Variants in KIAA1549L observed in about 807,000 individuals in gnomAD.
KIAA1549L encodes UPF0606 protein KIAA1549L.
A neutral mutation model predicts 160.7 loss-of-function variants in KIAA1549L; 88 were observed. The observed-to-expected ratio is 0.55, with a 90% CI of 0.46 to 0.65. The LOEUF (loss-of-function observed/expected upper bound fraction) is 0.65, where lower values mean the gene tolerates loss of function less well. KIAA1549L is among the 30% of genes least tolerant of loss of function. The pLI, the probability that KIAA1549L is intolerant of heterozygous loss-of-function variation, is 0.00. For missense variants in KIAA1549L, 2,258 were observed against 2,437.5 expected, an observed-to-expected ratio of 0.93 and a Z score of 1.55; for synonymous variants, 950 against 976.7, an observed-to-expected ratio of 0.97 and a Z score of 0.51.
Position 33,668,362 on chromosome 11 carries a change from C to G in KIAA1549L, c.*208C>G. 1.7e-6 allele frequency: 1 copy of G among 600,134 alleles called. No individual in the cohort carries two copies. Among genetic ancestry groups the G allele is most frequent in the Non-Finnish European group, 2.9e-6 (1 of 341,872 alleles). 37.2% of individuals were successfully genotyped at this position (600,134 alleles called of 1,614,324 possible). ...TCATCCAACTGATTGTGGGTCAAGTCCCTGGCTTGGGGCCTTATGTTTGAT... is the reference window on the plus strand; with the variant it reads ...TCATCCAACTGATTGTGGGTCAAGTGCCTGGCTTGGGGCCTTATGTTTGAT... On this transcript the variant is annotated 3_prime_UTR_variant, in exon 21 of 21. Coordinates refer to ENST00000658780, the MANE Select transcript of KIAA1549L (RefSeq NM_012194.3).
chr11:33,484,239 CTG>C (rs1207939017), intron 1 of KIAA1549L, among the ~76,000 whole-genome samples: 3 of 152,200 alleles, frequency 2.0e-5, no homozygotes, highest in Non-Finnish European at 4.4e-5. Context: ...GAGCCTGACT[CTG>C]TAACCATTTG....
intron 16 of KIAA1549L, among the ~76,000 whole-genome samples, chr11:33,620,125 C>T (rs752494738): frequency 1.3e-5 from 2 of 152,160 alleles, no homozygotes; most frequent in Non-Finnish European, 2.9e-5. Flanking sequence ...CATTGCAGAT[C>T]GTTTTTTAAC....
intron 6 of KIAA1549L, among the ~76,000 whole-genome samples, chr11:33,558,132 T>A (rs1590342056): frequency 1.3e-5 from 2 of 152,114 alleles, no homozygotes. Flanking sequence ...TGTAAAAAAA[T>A]TTTTTTAATA....
At chr11:33,436,488 G>A (rs1851383660) in intron 1 of KIAA1549L, among the ~76,000 whole-genome samples, 1 of 152,202 alleles carries the variant, frequency 6.6e-6, no homozygotes, top group Non-Finnish European at 1.5e-5. Context: ...TGCTGGGGGA[G>A]GGCAGTCTGC....
At chr11:33,549,879 C>T (rs1393321755) in intron 4 of KIAA1549L, among the ~76,000 whole-genome samples, 1 of 151,996 alleles carries the variant, frequency 6.6e-6, no homozygotes, top group East Asian at 1.9e-4. Flanking sequence ...GTGGCACACA[C>T]CTGTAGTCCT....
At chr11:33,460,970 C>A (rs1851929773) in intron 1 of KIAA1549L, among the ~76,000 whole-genome samples, 1 of 152,120 alleles carries the variant, frequency 6.6e-6, no homozygotes, top group Admixed American at 6.6e-5. Flanking sequence ...ATGGTAGACT[C>A]ATTTTCTTCT....
chr11:33,524,373 A>AT (rs955137209), intron 1 of KIAA1549L, among the ~76,000 whole-genome samples: 1 of 151,118 alleles, frequency 6.6e-6, no homozygotes, highest in Non-Finnish European at 1.5e-5. Flanking sequence ...AGATTTACCT[A>AT]TTTTACTCTT....
At chr11:33,556,208 G>A (rs930926837) in intron 6 of KIAA1549L, among the ~76,000 whole-genome samples, 1 of 152,158 alleles carries the variant, frequency 6.6e-6, no homozygotes, top group African/African-American at 2.4e-5. Context: ...CATTGCTAGT[G>A]GGAATGTCAA....
At chr11:33,504,154 G>T (rs749273712) in intron 1 of KIAA1549L, among the ~76,000 whole-genome samples, 1 of 151,998 alleles carries the variant, frequency 6.6e-6, no homozygotes, top group Non-Finnish European at 1.5e-5. Context: ...CCAGCTACTC[G>T]GGAGGCTGAG....
At chr11:33,470,369 C>G (rs1221649768) in intron 1 of KIAA1549L, among the ~76,000 whole-genome samples, 3 of 152,050 alleles carry the variant, frequency 2.0e-5, no homozygotes, top group Admixed American at 2.0e-4. Context: ...TTACATTGAT[C>G]TCATATGTCC....
At chr11:33,559,565 C>T (rs1854768506) in intron 6 of KIAA1549L, among the ~76,000 whole-genome samples, 184 bp from the exon 7 acceptor site, 1 of 152,182 alleles carries the variant, frequency 6.6e-6, no homozygotes, top group African/African-American at 2.4e-5. Flanking sequence ...TAGCACCCTG[C>T]CTGGCACACA....
At chr11:33,622,610 C>G (rs992790554) in intron 16 of KIAA1549L, among the ~76,000 whole-genome samples, 1 of 152,110 alleles carries the variant, frequency 6.6e-6, no homozygotes, top group Non-Finnish European at 1.5e-5. Flanking sequence ...CTGACAGGAC[C>G]GAAGTCTCAT....
chr11:33,617,160 G>A (rs568570259), intron 15 of KIAA1549L, among the ~76,000 whole-genome samples: 90 of 150,996 alleles, frequency 6.0e-4, no homozygotes, highest in African/African-American at 2.1e-3. Flanking sequence ...AGGAATGTTT[G>A]GAGAGTTTTC....
At chr11:33,429,005 CTT>C (rs1328642071) in intron 1 of KIAA1549L, among the ~76,000 whole-genome samples, 1 of 152,134 alleles carries the variant, frequency 6.6e-6, no homozygotes, top group Non-Finnish European at 1.5e-5. Context: ...GAGTTTTGCT[CTT>C]GTCACCCAGG....
intron 1 of KIAA1549L, among the ~76,000 whole-genome samples, chr11:33,477,507 G>GCGCGCACACA (rs1554981523): frequency 6.1e-5 from 8 of 131,822 alleles, no homozygotes; most frequent in African/African-American, 2.9e-4. Context: ...GCAGGTGCAC[G>GCGCGCACACA]CACACACACA....
intron 1 of KIAA1549L, among the ~76,000 whole-genome samples, chr11:33,415,667 C>T (rs1450846024): frequency 6.6e-6 from 1 of 152,168 alleles, no homozygotes; most frequent in Non-Finnish European, 1.5e-5. Context: ...TTTTACCTTC[C>T]TAAGTAAGCT....
intron 6 of KIAA1549L, 37 bp from the exon 7 acceptor site, chr11:33,559,712 G>T (rs1246854404): frequency 6.3e-7 from 1 of 1,595,810 alleles, no homozygotes; most frequent in Non-Finnish European, 8.6e-7. Flanking sequence ...GTCTTATTTG[G>T]CCTGTCTCCC....
At chr11:33,568,605 C>A (rs549458274) in intron 9 of KIAA1549L, among the ~76,000 whole-genome samples, 3 of 152,358 alleles carry the variant, frequency 2.0e-5, no homozygotes, top group Admixed American at 2.0e-4. Flanking sequence ...GACCCTCTCA[C>A]CTCCATTCCT....
In KIAA1549L at chr11:33,544,559, C is replaced by T. The variant is rs114156595; in HGVS notation, c.2774-208C>T. On this transcript the variant is annotated intron_variant, in intron 2 of 20. Coordinates refer to ENST00000658780, the MANE Select transcript of KIAA1549L (RefSeq NM_012194.3). ...TTCACAATGTAAGCATCCTTGCTAT[C>T]AACCATAGCTGTGCTGTAAGTGGCA... Among the ~76,000 whole-genome samples, 157 of 152,298 alleles carry T rather than the reference C, an allele frequency of 1.0e-3. 1 individual carries two copies. Among genetic ancestry groups the T allele is most frequent in the African/African-American group, 3.6e-3 (151 of 41,554 alleles).
Sources: allele counts gnomAD v4.1 joint callset (sites outside exome capture counted in the v4.1 genomes callset), GRCh38; gene constraint gnomAD v4.1.1; transcripts MANE v1.5; gene names NCBI Gene and HGNC (gene_info 2026-07-23, HGNC 2026-07-21).